The following FREM1 variants were observed in gnomAD, a reference collection of about 807,000 sequenced individuals.
FREM1 encodes the protein FRAS1 related extracellular matrix 1.
In FREM1, 220 loss-of-function variants were observed where a neutral mutation model predicts 210.1. The ratio of observed to expected loss-of-function variants is 1.05; its 90% CI spans 0.94 to 1.17. FREM1 has a LOEUF of 1.17. Ranked by LOEUF, FREM1 falls within the 50% of genes most tolerant of loss-of-function variation. The pLI, the probability that FREM1 is intolerant of heterozygous loss-of-function variation, is 0.00. For synonymous variants in FREM1, 1,189 were observed against 980.2 expected (o/e 1.21, Z -3.98); for missense variants, 3,454 against 2,675.5 (o/e 1.29, Z -6.42).
intron 13 of FREM1, among the ~76,000 whole-genome samples, chr9:14,821,037 A>G (rs1034593684): frequency 2.0e-5 from 3 of 152,186 alleles, no homozygotes; most frequent in Non-Finnish European, 4.4e-5. Flanking sequence ...GCATAAGGCT[A>G]ATTTCCCCCG....
chr9:14,852,280 G>A (rs1363852110), intron 5 of FREM1, among the ~76,000 whole-genome samples: 1 of 152,194 alleles, frequency 6.6e-6, no homozygotes, highest in Non-Finnish European at 1.5e-5. Context: ...AGTGGCCACT[G>A]AGGCTAGGCA....
At chr9:14,774,440 C>T (rs958615908) in intron 25 of FREM1, among the ~76,000 whole-genome samples, 5 of 151,800 alleles carry the variant, frequency 3.3e-5, no homozygotes, top group African/African-American at 2.4e-5. Context: ...AGCCTGCCAA[C>T]GTGCCCTGTG....
chr9:14,780,159 T>C (rs72709601), intron 24 of FREM1, among the ~76,000 whole-genome samples: 10,923 of 152,102 alleles, frequency 0.072, 539 homozygotes, highest in Middle Eastern at 0.11. Flanking sequence ...GGTGAAGAAG[T>C]TGGTGGTAGC....
In FREM1 at chr9:14,753,771, A is replaced by G. The variant is rs7019116; in HGVS notation, c.5407+2603T>C. On this transcript the variant is annotated intron_variant, in intron 29 of 36. Transcript: ENST00000380880. ...GTAAATATTTACTGGACCTGTGGACATGGAGAACTTCAAAATTCTCTAAAG... is the reference window on the plus strand; with the variant it reads ...GTAAATATTTACTGGACCTGTGGACGTGGAGAACTTCAAAATTCTCTAAAG... 2.8e-4 allele frequency among the ~76,000 whole-genome samples: 42 copies of G among 152,366 alleles called. 1 individual carries two copies. The highest frequency in any genetic ancestry group is 1.0e-3 in the African/African-American group (42 of 41,590).
At chr9:14,876,659 G>T (rs182324717) in intron 1 of FREM1, among the ~76,000 whole-genome samples, 13 of 152,176 alleles carry the variant, frequency 8.5e-5, no homozygotes, top group African/African-American at 3.1e-4. Context: ...ACCCTGCTTC[G>T]GCTCAAGCAC....
At chr9:14,769,663 T>C (rs1236635178) in intron 27 of FREM1, 61 bp downstream of exon 27, 19 of 1,512,552 alleles carry the variant, frequency 1.3e-5, no homozygotes, top group Non-Finnish European at 1.3e-5. Flanking sequence ...TTCACTTTCC[T>C]AATATTCAGA....
chr9:14,888,632 C>T (rs1018682023), intron 1 of FREM1, among the ~76,000 whole-genome samples: 9 of 152,156 alleles, frequency 5.9e-5, no homozygotes, highest in African/African-American at 2.2e-4. Context: ...TAGGCCACTT[C>T]ATAATTCTAT....
intron 6 of FREM1, among the ~76,000 whole-genome samples, chr9:14,849,427 G>A (rs146816557): frequency 9.9e-4 from 151 of 152,294 alleles, no homozygotes; most frequent in African/African-American, 3.4e-3. Flanking sequence ...TAGGGGCTGC[G>A]TGATAAGTTT....
At chr9:14,739,486 TATATATTC>T (rs1841098198) in intron 36 of FREM1, among the ~76,000 whole-genome samples, 1 of 145,622 alleles carries the variant, frequency 6.9e-6, no homozygotes, top group Admixed American at 6.9e-5. Context: ...AATTCATATA[TATATATTC>T]ATATATATAT....
chr9:14,866,361 C>T (rs1029813795), intron 2 of FREM1, among the ~76,000 whole-genome samples: 27 of 152,148 alleles, frequency 1.8e-4, no homozygotes, highest in Admixed American at 1.8e-3. Context: ...CAATCAGGAC[C>T]ATTAAAACAT....
chr9:14,900,032 A>G (rs547167587), intron 1 of FREM1, among the ~76,000 whole-genome samples: 1 of 152,192 alleles, frequency 6.6e-6, no homozygotes, highest in Admixed American at 6.5e-5. Context: ...TGGCCTGGGA[A>G]AAAGCACTGG....
intron 27 of FREM1, among the ~76,000 whole-genome samples, chr9:14,768,464 G>C (rs528271086): frequency 2.0e-5 from 3 of 152,016 alleles, no homozygotes; most frequent in African/African-American, 7.2e-5. Flanking sequence ...GAGGTCATAT[G>C]TTTTACATTT....
intron 24 of FREM1, chr9:14,782,420 A>G (rs2132813566): frequency 2.3e-6 from 2 of 860,234 alleles, no homozygotes; most frequent in Middle Eastern, 6.0e-4. Flanking sequence ...TTCTCCAGCA[A>G]GGTCACTGGT....
At chr9:14,823,928 T>A in intron 12 of FREM1, 97 bp downstream of exon 12, 1 of 586,076 alleles carries the variant, frequency 1.7e-6, no homozygotes. Context: ...TTTGTGGATG[T>A]CAAAGACCAA....
intron 15 of FREM1, 108 bp from the exon 16 acceptor site, chr9:14,813,172 G>C (rs569639232): frequency 8.3e-7 from 1 of 1,208,788 alleles, no homozygotes; most frequent in African/African-American, 1.5e-5. Flanking sequence ...TCATCTTACA[G>C]ACACATGAAA....
intron 24 of FREM1, among the ~76,000 whole-genome samples, chr9:14,778,607 CAA>C (rs1169611171): frequency 1.9e-4 from 6 of 31,252 alleles, no homozygotes; most frequent in African/African-American, 6.2e-4. Flanking sequence ...GAACCTGTCT[CAA>C]AAAAAAAAAA....
chr9:14,819,124 G>A (rs1289564899), intron 14 of FREM1, 110 bp downstream of exon 14: 2 of 681,780 alleles, frequency 2.9e-6, no homozygotes, highest in African/African-American at 3.6e-5. Context: ...TAAGTGGCAT[G>A]TTGGTATCCT....
chr9:14,861,390 C>T (rs891794991), intron 3 of FREM1, among the ~76,000 whole-genome samples: 21 of 146,668 alleles, frequency 1.4e-4, no homozygotes, highest in Non-Finnish European at 2.4e-4. Context: ...TATATGTACA[C>T]ATATATATGT....
intron 10 of FREM1, among the ~76,000 whole-genome samples, chr9:14,830,700 C>T (rs1446436135): frequency 6.6e-6 from 1 of 152,262 alleles, no homozygotes; most frequent in East Asian, 1.9e-4. Context: ...TTCCTTCTTG[C>T]CTATTAAATG....
Sources: allele counts gnomAD v4.1 joint callset (sites outside exome capture counted in the v4.1 genomes callset), GRCh38; gene constraint gnomAD v4.1.1; transcripts MANE v1.5; gene names NCBI Gene and HGNC (gene_info 2026-07-23, HGNC 2026-07-21).